Variants in ARHGEF11 observed in about 807,000 individuals in gnomAD.
The protein encoded by ARHGEF11 is Rho guanine exchange factor (GEF) 11.
Under a neutral mutation model 193.7 loss-of-function variants are expected in ARHGEF11, and 55 were observed. The ratio of observed to expected loss-of-function variants is 0.28; its 90% CI spans 0.23 to 0.36. The LOEUF (loss-of-function observed/expected upper bound fraction) is 0.36. Among genes scored for constraint, ARHGEF11 ranks in the 10% least tolerant of loss-of-function variants. ARHGEF11 has a pLI of 1.00. For synonymous variants in ARHGEF11, 693 were observed against 768.0 expected (o/e 0.90, Z 1.62); for missense variants, 1,723 against 2,005.6 (o/e 0.86, Z 2.69).
At chr1:156,978,142 C>T (rs1571331646) in intron 6 of ARHGEF11, 62 bp downstream of exon 6, 1 of 1,603,350 alleles carries the variant, frequency 6.2e-7, no homozygotes, top group Non-Finnish European at 8.5e-7. Flanking sequence ...TGCTTTCCTC[C>T]CCAATGCGGA....
chr1:156,991,199 G>A (rs1416514980), intron 1 of ARHGEF11, among the ~76,000 whole-genome samples: 1 of 152,166 alleles, frequency 6.6e-6, no homozygotes, highest in Non-Finnish European at 1.5e-5. Flanking sequence ...AGTATCACTA[G>A]TAACAACAAA....
chr1:156,946,905 C>T (rs377742626), intron 27 of ARHGEF11, 31 bp downstream of exon 27: 11 of 1,613,766 alleles, frequency 6.8e-6, no homozygotes, highest in Non-Finnish European at 9.3e-6. Flanking sequence ...CAATCTCCTC[C>T]TTGCCAAGAG....
intron 7 of ARHGEF11, 80 bp downstream of exon 7, chr1:156,976,903 T>C: frequency 7.8e-7 from 1 of 1,279,596 alleles, no homozygotes; most frequent in Non-Finnish European, 1.1e-6. Flanking sequence ...GTAAATTAAG[T>C]TGTGTACATT....
Position 156,963,206 on chromosome 1 carries a change from T to C in ARHGEF11, c.1137A>G (p.Pro379=), listed in dbSNP as rs1174714333. ...AAGACAGATGATTCTGACTTACCAG[T>C]GGACTGGGGTCCGCCTGAGAGAAGA... The part of the protein sequence containing the change: ...RYIFSQADPS[P]LLFYLCAEVY... Residue 379 remains proline (P), a synonymous_variant, in exon 13 of 41, where the codon CCA becomes CCG. Coordinates refer to ENST00000368194, the MANE Select transcript of ARHGEF11 (RefSeq NM_198236.3). 10 of 1,612,546 alleles carry C rather than the reference T, an allele frequency of 6.2e-6. No homozygotes were observed. The highest frequency in any genetic ancestry group is 8.5e-6 in the Non-Finnish European group (10 of 1,178,728).
intron 1 of ARHGEF11, among the ~76,000 whole-genome samples, chr1:157,018,263 G>A (rs1669525643): frequency 6.6e-6 from 1 of 152,138 alleles, no homozygotes; most frequent in Non-Finnish European, 1.5e-5. Flanking sequence ...TCTCTGAACT[G>A]ATCTATGGTT....
In ARHGEF11 at chr1:156,936,981, GCTCT is replaced by G. The variant is rs1436633884; in HGVS notation, c.4461_4464del (p.Arg1487SerfsTer40). On this transcript the variant is annotated frameshift_variant, in exon 40 of 41. Coordinates refer to ENST00000368194, the MANE Select transcript of ARHGEF11 (RefSeq NM_198236.3). LOFTEE classifies it high-confidence loss of function. ...GACTCTCCCCCAAGGGACTTGAGCA[GCTCT>G]CTGTGGGCCAGCTCCATATCCTGGA... 6.2e-7 allele frequency: 1 copy of G among 1,614,082 alleles called. No homozygotes were observed. The highest frequency in any genetic ancestry group is 1.7e-5 in the Admixed American group (1 of 60,028).
At chr1:156,943,783 G>T in intron 32 of ARHGEF11, 152 bp downstream of exon 32, 1 of 988,158 alleles carries the variant, frequency 1.0e-6, no homozygotes, top group Non-Finnish European at 1.4e-6. Context: ...CTTTGGGCCA[G>T]TCCTACCACT....
Position 156,961,659 on chromosome 1 carries a change from A to C in ARHGEF11, c.1239+18T>G, listed in dbSNP as rs1660873691. On this transcript the variant is annotated intron_variant, in intron 14 of 40. Transcript: ENST00000368194. ...AAAGAATATGATAAAATTATAATCC[A>C]ATCTATGACTGCCTTACCGCATTTT... 1 of 1,607,248 alleles carries C rather than the reference A, an allele frequency of 6.2e-7. No individual in the cohort carries two copies. Among genetic ancestry groups the C allele is most frequent in the African/African-American group, 1.3e-5 (1 of 74,788 alleles).
intron 25 of ARHGEF11, 47 bp downstream of exon 25, chr1:156,947,722 T>A: frequency 6.3e-7 from 1 of 1,599,636 alleles, no homozygotes; most frequent in Non-Finnish European, 8.5e-7. Flanking sequence ...TCTGGACCTA[T>A]TCCCACACGT....
At chr1:157,017,604 G>A (rs1280510011) in intron 1 of ARHGEF11, among the ~76,000 whole-genome samples, 2 of 151,462 alleles carry the variant, frequency 1.3e-5, no homozygotes, top group African/African-American at 4.9e-5. Context: ...CTACTTGGGA[G>A]GCTCAGGCAG....
At chr1:156,950,357 C>T (rs1276835026) in intron 22 of ARHGEF11, among the ~76,000 whole-genome samples, 1 of 152,168 alleles carries the variant, frequency 6.6e-6, no homozygotes, top group Admixed American at 6.6e-5. Flanking sequence ...GCAAAATAGG[C>T]CAGGTGCAGT....
chr1:156,964,393 G>A (rs1361353999), intron 11 of ARHGEF11, among the ~76,000 whole-genome samples: 2 of 152,120 alleles, frequency 1.3e-5, no homozygotes, highest in Non-Finnish European at 2.9e-5. Context: ...TCTACTAACT[G>A]TATTTCTCAC....
intron 15 of ARHGEF11, among the ~76,000 whole-genome samples, chr1:156,959,937 C>A (rs1214925162): frequency 7.4e-5 from 8 of 107,992 alleles, no homozygotes; most frequent in East Asian, 7.5e-4. Flanking sequence ...CCCCCTCCCC[C>A]CCCCCCAAAA....
intron 1 of ARHGEF11, among the ~76,000 whole-genome samples, chr1:157,014,643 CCA>C (rs755704566): frequency 1.6e-4 from 24 of 152,178 alleles, no homozygotes; most frequent in Non-Finnish European, 3.1e-4. Flanking sequence ...TCGACTGTCT[CCA>C]GTTTCTCACC....
rs1673049043 is a variant in ARHGEF11, at chr1:157,043,848, G to A, written c.32+451C>T. Among the ~76,000 whole-genome samples, 3 of 152,088 alleles carry A rather than the reference G, an allele frequency of 2.0e-5. No individual in the cohort carries two copies. In the South Asian group the frequency reaches 6.2e-4, roughly 32 times the overall value. On this transcript the variant is annotated intron_variant, in intron 1 of 40. Transcript: ENST00000368194. The stretch of plus-strand genomic sequence containing the variant: ...GAAATGGGATCCACCCCGTCACCAA[G>A]CCCCACCATTCCATACCAACCAGCC...
chr1:156,947,080 CA>C (rs1335766564), intron 26 of ARHGEF11, 65 bp from the exon 27 acceptor site: 4 of 1,592,232 alleles, frequency 2.5e-6, no homozygotes, highest in Non-Finnish European at 3.4e-6. Context: ...ACCTTTCTGA[CA>C]GAGAGAAGTG....
intron 33 of ARHGEF11, 26 bp downstream of exon 33, chr1:156,942,663 AC>A (rs1203247717): frequency 6.2e-7 from 1 of 1,605,244 alleles, no homozygotes; most frequent in East Asian, 2.2e-5. Context: ...GACCACAGTT[AC>A]GGGTAACCCC....
intron 1 of ARHGEF11, among the ~76,000 whole-genome samples, chr1:156,986,490 G>C (rs1348640296): frequency 6.6e-6 from 1 of 152,176 alleles, no homozygotes; most frequent in Non-Finnish European, 1.5e-5. Context: ...CATGCTTGTT[G>C]GGTCTTACCA....
intron 4 of ARHGEF11, among the ~76,000 whole-genome samples, 155 bp downstream of exon 4, chr1:156,980,282 T>C (rs895788838): frequency 1.3e-5 from 2 of 152,224 alleles, no homozygotes; most frequent in African/African-American, 4.8e-5. Context: ...TCTCATGCTA[T>C]ACCACTGTGC....
Sources: allele counts gnomAD v4.1 joint callset (sites outside exome capture counted in the v4.1 genomes callset), GRCh38; gene constraint gnomAD v4.1.1; transcripts MANE v1.5; gene names NCBI Gene and HGNC (gene_info 2026-07-23, HGNC 2026-07-21).